ZFAT: variants seen among roughly 807,000 people sequenced by gnomAD.
ZFAT encodes the protein zinc finger and AT-hook domain containing.
In ZFAT, 64 loss-of-function variants were observed where a neutral mutation model predicts 117.7. The ratio of observed to expected loss-of-function variants is 0.54; its 90% CI spans 0.44 to 0.67. ZFAT has a LOEUF of 0.67. Ranked by LOEUF, ZFAT falls within the 30% of genes least tolerant of loss-of-function variation. ZFAT has a pLI of 0.00. For synonymous variants in ZFAT, 679 were observed against 615.0 expected (o/e 1.10, Z -1.54); for missense variants, 1,433 against 1,584.5 (o/e 0.90, Z 1.62).
chr8:134,726,180 C>G, the ZFAT span, among the ~76,000 whole-genome samples: 1 of 151,970 alleles, frequency 6.6e-6, no homozygotes, highest in African/African-American at 2.4e-5. Flanking sequence ...AGGATCCTTC[C>G]TCAGGACAAG....
At chr8:134,484,257 C>T (rs900652209) in intron 15 of ZFAT, among the ~76,000 whole-genome samples, 12 of 152,344 alleles carry the variant, frequency 7.9e-5, no homozygotes, top group East Asian at 1.9e-4. Context: ...TCCAGTGCCA[C>T]GCTCTTGGTA....
At chr8:134,658,541 T>C (rs1223327297) in intron 1 of ZFAT, among the ~76,000 whole-genome samples, 1 of 152,172 alleles carries the variant, frequency 6.6e-6, no homozygotes, top group Non-Finnish European at 1.5e-5. Flanking sequence ...ACTGAATTCC[T>C]ATTTAAAGCA....
At chr8:134,680,261 C>CAAAA (rs35292754) in intron 1 of ZFAT, among the ~76,000 whole-genome samples, 8 of 48,888 alleles carry the variant, frequency 1.6e-4, no homozygotes, top group Non-Finnish European at 2.7e-4. Context: ...GACTCCCCCT[C>CAAAA]AAAAAAAAAA....
intron 15 of ZFAT, among the ~76,000 whole-genome samples, chr8:134,503,264 G>A (rs1819128987): frequency 1.3e-5 from 2 of 152,186 alleles, no homozygotes; most frequent in Admixed American, 1.3e-4. Flanking sequence ...GGATACACAG[G>A]ATAGAGCTGA....
the ZFAT span, among the ~76,000 whole-genome samples, chr8:134,719,501 G>T: frequency 1.3e-5 from 2 of 152,180 alleles, no homozygotes; most frequent in Non-Finnish European, 2.9e-5. Context: ...TGATTTAAGG[G>T]CTGCCGCCAG....
At chr8:134,794,096 T>A in the ZFAT span, 1 of 152,256 alleles carries the variant, frequency 6.6e-6, no homozygotes, top group Non-Finnish European at 1.5e-5. Flanking sequence ...TCTTCCTGGT[T>A]TTGCCTTTAA....
chr8:134,520,852 T>C (rs1188033347), intron 13 of ZFAT, 31 bp downstream of exon 13: 1 of 1,565,474 alleles, frequency 6.4e-7, no homozygotes, highest in Non-Finnish European at 8.8e-7. Context: ...TTTTGAAATG[T>C]CAAGATTAAT....
chr8:134,685,830 T>C (rs1833294838), intron 1 of ZFAT, among the ~76,000 whole-genome samples: 1 of 152,234 alleles, frequency 6.6e-6, no homozygotes, highest in Non-Finnish European at 1.5e-5. Flanking sequence ...GGCTAGTATT[T>C]ACTGATTGCC....
chr8:134,691,353 A>ACTGT (rs10664735), intron 1 of ZFAT, among the ~76,000 whole-genome samples: 136,656 of 152,130 alleles, frequency 0.9, 61,604 homozygotes, highest in African/African-American at 0.94. Context: ...GGCGGGGCTC[A>ACTGT]GGTGGTGGCC....
At chr8:134,590,572 CCAT>C (rs1168563758) in intron 7 of ZFAT, among the ~76,000 whole-genome samples, 3 of 151,290 alleles carry the variant, frequency 2.0e-5, no homozygotes, top group South Asian at 2.1e-4. Flanking sequence ...ACTACTACCA[CCAT>C]CATCACCATC....
intron 13 of ZFAT, among the ~76,000 whole-genome samples, chr8:134,519,533 T>C (rs991164443): frequency 2.6e-5 from 4 of 152,240 alleles, no homozygotes; most frequent in African/African-American, 9.6e-5. Flanking sequence ...CAACTAACTG[T>C]TGTATGTTGA....
chr8:134,571,618 A>G (rs1331338102), intron 10 of ZFAT, among the ~76,000 whole-genome samples: 1 of 152,236 alleles, frequency 6.6e-6, no homozygotes, highest in Non-Finnish European at 1.5e-5. Flanking sequence ...CGTTCTCTAG[A>G]GAGGACAGAA....
At chr8:134,517,360 C>T (rs1336409851) in intron 13 of ZFAT, among the ~76,000 whole-genome samples, 1 of 151,912 alleles carries the variant, frequency 6.6e-6, no homozygotes, top group Non-Finnish European at 1.5e-5. Context: ...TCTCCCCATC[C>T]CTTCCATCTT....
chr8:134,635,762 C>T (rs1408192100), intron 3 of ZFAT, among the ~76,000 whole-genome samples: 4 of 152,118 alleles, frequency 2.6e-5, no homozygotes, highest in East Asian at 1.9e-4. Context: ...ATCAGAGCTT[C>T]GGGTTCAGGG....
At chr8:134,553,907 T>C (rs1228133605) in intron 11 of ZFAT, among the ~76,000 whole-genome samples, 7 of 152,152 alleles carry the variant, frequency 4.6e-5, no homozygotes, top group Admixed American at 3.9e-4. Context: ...CAATCTCTAA[T>C]GTCAAAAAAG....
intron 3 of ZFAT, among the ~76,000 whole-genome samples, chr8:134,623,158 T>C (rs1323098646): frequency 1.3e-5 from 2 of 152,144 alleles, no homozygotes; most frequent in Admixed American, 1.3e-4. Context: ...CCACTGATAC[T>C]GCTCCGGCTC....
intron 11 of ZFAT, among the ~76,000 whole-genome samples, chr8:134,548,236 C>T (rs373517345): frequency 1.6e-4 from 24 of 152,342 alleles, no homozygotes; most frequent in African/African-American, 5.3e-4. Context: ...CAAGAATTTA[C>T]ATTCTAGCAT....
intron 1 of ZFAT, among the ~76,000 whole-genome samples, chr8:134,678,692 T>C (rs1485808233): frequency 6.6e-6 from 1 of 152,144 alleles, no homozygotes; most frequent in Non-Finnish European, 1.5e-5. Context: ...CAAACTATAC[T>C]ACAAGGCTAC....
intron 2 of ZFAT, among the ~76,000 whole-genome samples, chr8:134,639,444 C>T (rs1164958033): frequency 1.3e-5 from 2 of 152,070 alleles, no homozygotes; most frequent in Non-Finnish European, 2.9e-5. Context: ...ACTCTATCTC[C>T]CTGGGGCATG....
Sources: gnomAD v4.1 joint callset for allele counts (sites outside exome capture counted in the v4.1 genomes callset) on GRCh38, gnomAD v4.1.1 for gene constraint, MANE v1.5 for transcripts, NCBI Gene and HGNC (gene_info 2026-07-23, HGNC 2026-07-21) for gene names.